NEBL: variants seen among roughly 807,000 people sequenced by gnomAD.
NEBL encodes nebulette.
In NEBL, 122 loss-of-function variants were observed where a neutral mutation model predicts 140.2. The observed-to-expected ratio is 0.87, with a 90% confidence interval of 0.75 to 1.01. NEBL has a LOEUF of 1.01. Among genes scored for constraint, NEBL ranks in the 50% least tolerant of loss-of-function variants. The pLI, the probability that NEBL is intolerant of heterozygous loss-of-function variation, is 0.00. For synonymous variants in NEBL, 436 were observed against 398.9 expected (o/e 1.09, Z -1.11); for missense variants, 1,365 against 1,231.3 (o/e 1.11, Z -1.62).
intron 2 of NEBL, among the ~76,000 whole-genome samples, chr10:21,139,837 C>T (rs571681445): frequency 4.6e-5 from 7 of 152,068 alleles, no homozygotes; most frequent in East Asian, 3.9e-4. Context: ...GAATAATCTT[C>T]GTACATTAGG....
rs186948860 is a variant in NEBL at position 21,077,500 on chromosome 10, G to A, written c.165-57299C>T. On this transcript the variant is annotated intron_variant, in intron 2 of 6. Coordinates refer to the NEBL transcript ENST00000417816. The stretch of plus-strand genomic sequence containing the variant: ...CAGGTGCCTGTAGTCCCAGCTACTC[G>A]GGAGGCTGAGGCAGGAGAATGGCGT... 1.8e-3 allele frequency among the ~76,000 whole-genome samples: 268 copies of A among 152,062 alleles called. 4 individuals are homozygous for A. In the East Asian group the frequency reaches 0.037, roughly 21 times the overall value.
intron 2 of NEBL, among the ~76,000 whole-genome samples, chr10:20,892,446 AG>A: frequency 6.6e-6 from 1 of 152,354 alleles, no homozygotes; most frequent in East Asian, 1.9e-4. Flanking sequence ...TAACACCCAT[AG>A]TACCCAGCCT....
intron 3 of NEBL, among the ~76,000 whole-genome samples, chr10:21,240,616 C>T (rs966918893): frequency 1.3e-5 from 2 of 151,654 alleles, no homozygotes; most frequent in African/African-American, 4.8e-5. Flanking sequence ...TACACATTGT[C>T]ACACACAAAA....
intron 2 of NEBL, among the ~76,000 whole-genome samples, chr10:21,152,992 T>A (rs925712272): frequency 3.3e-4 from 50 of 152,186 alleles, no homozygotes; most frequent in African/African-American, 1.2e-3. Context: ...TTTTCAGACT[T>A]GGTGGATTTT....
chr10:21,233,884 T>C (rs1244892401), intron 3 of NEBL, among the ~76,000 whole-genome samples: 7 of 145,244 alleles, frequency 4.8e-5, no homozygotes, highest in Non-Finnish European at 1.0e-4. Flanking sequence ...TATGCATATA[T>C]AGATATATAT....
At chr10:21,181,682 T>A (rs890090265) in intron 3 of NEBL, among the ~76,000 whole-genome samples, 2 of 152,360 alleles carry the variant, frequency 1.3e-5, no homozygotes, top group African/African-American at 4.8e-5. Context: ...CTGCCAATCA[T>A]ACCTGCTTCT....
At position 21,173,884 on chromosome 10, in the gene NEBL, C is replaced by A. The variant is rs1841200330; in HGVS notation, c.-51G>T. ...GGCGGCGGCTGCTGGCTCCCAGGAG[C>A]CGCTGTGACATCCCCCGGCGAGCCC... On this transcript the variant is annotated 5_prime_UTR_variant, in exon 1 of 7. Transcript: ENST00000417816. The surrounding 1 kb of genome is among the most constrained non-coding windows in gnomAD (Gnocchi z 5.7). The A allele has an allele frequency of 1.3e-6, 2 of 1,599,082 alleles. No individual in the cohort carries two copies. The highest frequency in any genetic ancestry group is 4.5e-5 in the East Asian group (2 of 44,336).
intron 3 of NEBL, 52 bp from the exon 4 acceptor site, chr10:20,888,259 T>A (rs749454963): frequency 5.6e-6 from 6 of 1,080,104 alleles, no homozygotes; most frequent in African/African-American, 4.8e-5. Context: ...TCCATTTTTT[T>A]AAACTGTGAT....
chr10:21,108,287 T>C (rs1280203435), intron 2 of NEBL, among the ~76,000 whole-genome samples: 1 of 152,206 alleles, frequency 6.6e-6, no homozygotes, highest in African/African-American at 2.4e-5. Context: ...CTTCTTTCTC[T>C]TGTGGGCATT....
At chr10:21,227,713 T>A (rs202177245) in intron 3 of NEBL, among the ~76,000 whole-genome samples, 2 of 63,680 alleles carry the variant, frequency 3.1e-5, no homozygotes, top group African/African-American at 1.2e-4. Flanking sequence ...TCTTCTTCTT[T>A]CTTCTTCTTC....
chr10:21,020,070 A>G (rs781259122), intron 3 of NEBL: 1 of 1,513,472 alleles, frequency 6.6e-7, no homozygotes, highest in East Asian at 2.3e-5. Flanking sequence ...CAGCCTTGTG[A>G]AAAATCTTTA....
intron 3 of NEBL, among the ~76,000 whole-genome samples, chr10:21,207,346 T>A (rs61160053): frequency 6.6e-6 from 1 of 152,332 alleles, no homozygotes; most frequent in African/African-American, 2.4e-5. Context: ...CTATATCTAG[T>A]ACTATGTGAC....
At chr10:20,853,159 A>T (rs374418440) in intron 9 of NEBL, among the ~76,000 whole-genome samples, 1 of 152,228 alleles carries the variant, frequency 6.6e-6, no homozygotes, top group Non-Finnish European at 1.5e-5. Flanking sequence ...AGGAAAATGT[A>T]AGAGAAATAA....
chr10:20,856,304 A>G (rs1158414680), intron 9 of NEBL, among the ~76,000 whole-genome samples: 2 of 152,192 alleles, frequency 1.3e-5, no homozygotes, highest in African/African-American at 2.4e-5. Flanking sequence ...TTTCTCTGTT[A>G]TTATAAAATA....
intron 3 of NEBL, among the ~76,000 whole-genome samples, chr10:20,980,982 G>A (rs1017226709): frequency 2.6e-5 from 4 of 152,054 alleles, no homozygotes; most frequent in Non-Finnish European, 5.9e-5. Context: ...TAGAGATGGG[G>A]CCTCACTATG....
At chr10:21,029,979 ACGTCCCC>A (rs111620640) in intron 2 of NEBL, 314,314 of 499,680 alleles carry the variant, frequency 0.63, 99,900 homozygotes, top group East Asian at 0.74. Context: ...ATAATGATAG[ACGTCCCC>A]CGTCCCCCTC....
intron 25 of NEBL, among the ~76,000 whole-genome samples, chr10:20,809,420 A>T (rs1197196084): frequency 2.0e-5 from 3 of 152,198 alleles, no homozygotes; most frequent in Non-Finnish European, 4.4e-5. Flanking sequence ...CCCTGTAAAA[A>T]ACCTTTCTAC....
chr10:21,182,969 G>A (rs367639796), intron 3 of NEBL, among the ~76,000 whole-genome samples: 11 of 152,162 alleles, frequency 7.2e-5, no homozygotes, highest in South Asian at 2.1e-4. Context: ...CAGAGCCACC[G>A]ATGGCCCATT....
At chr10:21,128,958 A>G (rs1399993328) in intron 2 of NEBL, among the ~76,000 whole-genome samples, 1 of 152,208 alleles carries the variant, frequency 6.6e-6, no homozygotes, top group African/African-American at 2.4e-5. Context: ...TAGAAACAAC[A>G]AAGTTTCAGA....
Sources: gnomAD v4.1 joint callset for allele counts (sites outside exome capture counted in the v4.1 genomes callset) on GRCh38, gnomAD v4.1.1 for gene constraint, Gnocchi (gnomAD v3.1) non-coding constraint, MANE v1.5 for transcripts, NCBI Gene and HGNC (gene_info 2026-07-23, HGNC 2026-07-21) for gene names.